DHX29: variants seen among roughly 807,000 people sequenced by gnomAD.
The protein encoded by DHX29 is DExH-box helicase 29.
DHX29 carries 79 observed loss-of-function variants against 167.9 expected under a neutral mutation model. The ratio of observed to expected loss-of-function variants is 0.47; its 90% CI spans 0.39 to 0.57. The LOEUF (loss-of-function observed/expected upper bound fraction) is 0.57. Among genes scored for constraint, DHX29 ranks in the 20% least tolerant of loss-of-function variants. The pLI is 0.00. For missense variants in DHX29, 1,347 were observed against 1,593.4 expected (o/e 0.85, Z 2.63); for synonymous variants, 530 against 546.0 (o/e 0.97, Z 0.41).
chr5:55,271,065 GA>G (rs1746832994), intron 18 of DHX29, among the ~76,000 whole-genome samples: 1 of 152,046 alleles, frequency 6.6e-6, no homozygotes, highest in Non-Finnish European at 1.5e-5. Context: ...TACCTTTCAC[GA>G]TACAGTTAAA....
At chr5:55,257,940 G>A (rs1409121767) in intron 26 of DHX29, among the ~76,000 whole-genome samples, 3 of 152,294 alleles carry the variant, frequency 2.0e-5, no homozygotes, top group East Asian at 1.9e-4. Flanking sequence ...GTCTTAATAT[G>A]TTAAGACTTG....
At chr5:55,287,783 T>A in intron 8 of DHX29, among the ~76,000 whole-genome samples, 1 of 151,618 alleles carries the variant, frequency 6.6e-6, no homozygotes, top group East Asian at 2.0e-4. Context: ...ACCCCATCTC[T>A]ACTAAAAATA....
intron 11 of DHX29, 104 bp downstream of exon 11, chr5:55,283,099 T>C (rs1747517876): frequency 2.3e-6 from 3 of 1,285,444 alleles, no homozygotes; most frequent in Non-Finnish European, 3.2e-6. Flanking sequence ...GATCAACCAA[T>C]AGCAGTGAAA....
intron 2 of DHX29, 105 bp from the exon 3 acceptor site, chr5:55,297,503 A>G (rs1003690208): frequency 4.8e-6 from 3 of 630,664 alleles, no homozygotes; most frequent in Non-Finnish European, 8.3e-6. Context: ...CCAAAATTTC[A>G]GCTAAAATCA....
intron 23 of DHX29, among the ~76,000 whole-genome samples, chr5:55,266,370 C>T (rs569859692): frequency 1.8e-4 from 26 of 145,204 alleles, no homozygotes; most frequent in African/African-American, 5.9e-4. Flanking sequence ...AGTACAATGG[C>T]GTGATCTTGG....
chr5:55,287,926 G>A (rs367881362), intron 8 of DHX29, among the ~76,000 whole-genome samples: 7 of 147,378 alleles, frequency 4.7e-5, no homozygotes, highest in African/African-American at 1.7e-4. Context: ...TCCAGCCTGA[G>A]CTGGAAAAAA....
intron 6 of DHX29, among the ~76,000 whole-genome samples, chr5:55,290,783 G>C (rs1031118811): frequency 2.0e-5 from 3 of 152,222 alleles, no homozygotes; most frequent in African/African-American, 7.2e-5. Flanking sequence ...GGGAGGCCAA[G>C]GTGGGCAGAT....
intron 26 of DHX29, 70 bp downstream of exon 26, chr5:55,259,778 A>T: frequency 3.3e-6 from 3 of 906,244 alleles, no homozygotes; most frequent in Non-Finnish European, 5.2e-6. Context: ...TTTTCCACAC[A>T]TTAATACATA....
intron 26 of DHX29, among the ~76,000 whole-genome samples, chr5:55,258,190 T>A (rs939846467): frequency 1.3e-5 from 2 of 152,162 alleles, no homozygotes; most frequent in Non-Finnish European, 2.9e-5. Flanking sequence ...CTTCCTGGTG[T>A]GACGCAGTGG....
intron 10 of DHX29, among the ~76,000 whole-genome samples, chr5:55,284,719 G>T (rs993563338): frequency 5.9e-5 from 9 of 152,288 alleles, no homozygotes; most frequent in African/African-American, 1.9e-4. Flanking sequence ...CCTGAAACTG[G>T]AAGTGTATTG....
At chr5:55,268,056 A>C (rs1406092215) in intron 21 of DHX29, among the ~76,000 whole-genome samples, 1 of 152,162 alleles carries the variant, frequency 6.6e-6, no homozygotes, top group Non-Finnish European at 1.5e-5. Flanking sequence ...ATTTTAAGGA[A>C]TTTCAAAAAT....
At chr5:55,282,642 T>G (rs576925913) in intron 11 of DHX29, among the ~76,000 whole-genome samples, 1,711 of 152,360 alleles carry the variant, frequency 0.011, 12 homozygotes, top group Non-Finnish European at 0.02. Flanking sequence ...TTAATTAAAC[T>G]AATTCCTATA....
Position 55,296,269 on chromosome 5 carries a change from T to A in DHX29, c.456A>T (p.Gly152=), listed in dbSNP as rs902929048. 4 of 1,613,524 alleles carry A rather than the reference T, an allele frequency of 2.5e-6. No homozygotes were observed. Among genetic ancestry groups the A allele is most frequent in the African/African-American group, 2.7e-5 (2 of 75,028 alleles). The change falls in exon 4 of 27, where the codon GGA becomes GGT. Residue 152 remains glycine (G), a synonymous_variant. Transcript: ENST00000251636. ...EDAMTNTLLY[G]GDLHSALDWL... The stretch of plus-strand genomic sequence containing the variant: ...AATCCAAGGCAGAATGAAGGTCACC[T>A]CCATATAAGAGTGTATTGGTCATGG...
intron 12 of DHX29, 31 bp from the exon 13 acceptor site, chr5:55,277,313 T>G (rs781515337): frequency 2.9e-5 from 42 of 1,459,958 alleles, no homozygotes; most frequent in Non-Finnish European, 3.8e-5. Context: ...AAAAAGTTCA[T>G]CATATATTGT....
intron 1 of DHX29, among the ~76,000 whole-genome samples, chr5:55,299,740 T>C (rs1347950731): frequency 6.6e-6 from 1 of 152,114 alleles, no homozygotes; most frequent in African/African-American, 2.4e-5. Flanking sequence ...TCTAGTATAA[T>C]TTCATCTCAA....
Position 55,304,309 on chromosome 5 carries a change from C to CTT in DHX29, c.187+3076_187+3077dup, listed in dbSNP as rs397882409. 5.1e-3 allele frequency among the ~76,000 whole-genome samples: 574 copies of CTT among 112,622 alleles called. 12 individuals carry two copies. The highest frequency in any genetic ancestry group is 0.014 in the African/African-American group (369 of 26,212). 73.9% of individuals were successfully genotyped at this position (112,622 alleles called of 152,430 possible). The stretch of plus-strand genomic sequence containing the variant: ...GCCTCCTTTGCTTGCTCAAATGTCA[C>CTT]TTTTTTTTTTTTTTTTTTTTTTGAG... On this transcript the variant is annotated intron_variant, in intron 1 of 26. Transcript: ENST00000251636.
intron 6 of DHX29, among the ~76,000 whole-genome samples, chr5:55,291,901 A>G (rs1246081144): frequency 1.3e-5 from 2 of 152,146 alleles, no homozygotes; most frequent in Non-Finnish European, 2.9e-5. Flanking sequence ...TGCATGCCAC[A>G]TTTTACCTAT....
intron 12 of DHX29, chr5:55,279,776 G>A (rs1048540902): frequency 4.6e-5 from 6 of 129,652 alleles, no homozygotes; most frequent in African/African-American, 1.8e-4. Context: ...CCCTTATATT[G>A]TCCAGGCTGG....
chr5:55,256,412 G>T lies in DHX29; in HGVS notation c.*76C>A. On this transcript the variant is annotated 3_prime_UTR_variant, in exon 27 of 27. Transcript: ENST00000251636. ...TTTTAAGTAATGAAATACTTAATGT[G>T]ATGACCCATTTTCAGATAATTTCAT... is the stretch of plus-strand genomic sequence containing the variant. The T allele has an allele frequency of 7.5e-7, 1 of 1,328,336 alleles. No homozygotes were observed. Among genetic ancestry groups the T allele is most frequent in the Non-Finnish European group, 1.0e-6 (1 of 965,902 alleles). The allele number at this position is 1,328,336 out of a possible 1,614,324, so 82.3% of individuals were successfully genotyped here.
Sources: gnomAD v4.1 joint callset for allele counts (sites outside exome capture counted in the v4.1 genomes callset) on GRCh38, gnomAD v4.1.1 for gene constraint, MANE v1.5 for transcripts, NCBI Gene and HGNC (gene_info 2026-07-23, HGNC 2026-07-21) for gene names.